Variants in ATAD2B observed in about 807,000 individuals in gnomAD.
ATAD2B encodes ATPase family AAA domain-containing protein 2B.
ATAD2B carries 40 observed loss-of-function variants against 167.6 expected under a neutral mutation model. That is an observed-to-expected ratio of 0.24 (90% CI 0.19 to 0.31). The LOEUF is 0.31. Among genes scored for constraint, ATAD2B ranks in the 10% least tolerant of loss-of-function variants. The pLI is 1.00. For synonymous variants in ATAD2B, 579 were observed against 596.5 expected (o/e 0.97, Z 0.43); for missense variants, 1,242 against 1,757.2 (o/e 0.71, Z 5.24).
At chr2:23,914,920 ACTT>A (rs996315990) in intron 1 of ATAD2B, among the ~76,000 whole-genome samples, 1 of 152,094 alleles carries the variant, frequency 6.6e-6, no homozygotes, top group African/African-American at 2.4e-5. Context: ...AGTAATACTT[ACTT>A]TAAGTACACA....
chr2:23,837,713 T>C (rs1056405747), intron 13 of ATAD2B, among the ~76,000 whole-genome samples: 2 of 152,234 alleles, frequency 1.3e-5, no homozygotes, highest in Non-Finnish European at 2.9e-5. Context: ...AGTAGTTTGT[T>C]TTTAATAGAT....
the ATAD2B span, among the ~76,000 whole-genome samples, chr2:23,717,545 C>T: frequency 6.6e-5 from 10 of 152,090 alleles, no homozygotes; most frequent in African/African-American, 2.4e-4. Flanking sequence ...AGTCAGCAGC[C>T]ATTTATTTCA....
rs1224375706 is a variant in ATAD2B, at chr2:23,862,404, T to TTTTG, written c.1479+976_1479+977insCAAA. Among the ~76,000 whole-genome samples the TTTTG allele has an allele frequency of 4.0e-4, 41 of 103,382 alleles. 1 individual carries two copies. Among genetic ancestry groups the TTTTG allele is most frequent in the African/African-American group, 1.4e-3 (40 of 28,352 alleles). The allele number at this position is 103,382 out of a possible 152,430, so 67.8% of individuals were successfully genotyped here. The stretch of plus-strand genomic sequence containing the variant: ...AAGTGAATTTATATTTGGACTGGTT[T>TTTTG]TTTTTTTTTTTTTTTTTTTTTTGAG... On this transcript the variant is annotated intron_variant, in intron 12 of 27. Transcript: ENST00000238789.
At chr2:23,742,281 A>G in the ATAD2B span, among the ~76,000 whole-genome samples, 1 of 152,166 alleles carries the variant, frequency 6.6e-6, no homozygotes, top group Non-Finnish European at 1.5e-5. Context: ...ACTATTCACA[A>G]TAGCAAAGAC....
chr2:23,775,882 C>G (rs1479144535), intron 22 of ATAD2B, among the ~76,000 whole-genome samples: 2 of 152,170 alleles, frequency 1.3e-5, no homozygotes, highest in African/African-American at 4.8e-5. Flanking sequence ...CTTTGGGAAG[C>G]CAAGGCAGGC....
intron 12 of ATAD2B, among the ~76,000 whole-genome samples, chr2:23,859,566 T>C (rs1200938738): frequency 4.7e-5 from 7 of 148,950 alleles, no homozygotes; most frequent in Admixed American, 2.7e-4. Context: ...TAATAGGAAA[T>C]GCAAATATTT....
chr2:23,917,702 G>A (rs1340048587), intron 1 of ATAD2B, among the ~76,000 whole-genome samples: 1 of 152,078 alleles, frequency 6.6e-6, no homozygotes, highest in Admixed American at 6.6e-5. Flanking sequence ...TGAGTCAGGA[G>A]GACTGCTTGA....
chr2:23,823,920 CTTT>C (rs869117334), intron 15 of ATAD2B, among the ~76,000 whole-genome samples: 1 of 144,524 alleles, frequency 6.9e-6, no homozygotes, highest in Non-Finnish European at 1.5e-5. Flanking sequence ...CAATGTACAA[CTTT>C]TTTTTTTTTT....
intron 13 of ATAD2B, among the ~76,000 whole-genome samples, chr2:23,851,905 T>C (rs1692629043): frequency 6.9e-6 from 1 of 144,586 alleles, no homozygotes. Context: ...GATAATCCTC[T>C]AGCCGGAGTA....
At chr2:23,694,094 C>T in the ATAD2B span, among the ~76,000 whole-genome samples, 1 of 152,238 alleles carries the variant, frequency 6.6e-6, no homozygotes, top group Non-Finnish European at 1.5e-5. Context: ...GTCCCTATGA[C>T]TCCCAGATCT....
At chr2:23,684,858 C>A in the ATAD2B span, among the ~76,000 whole-genome samples, 7 of 152,200 alleles carry the variant, frequency 4.6e-5, no homozygotes, top group African/African-American at 1.7e-4. The surrounding 1 kb of genome is among the most constrained non-coding windows in gnomAD (Gnocchi z 4.4). Context: ...CAAGCTGTCC[C>A]TGAGATTAGG....
At chr2:23,739,060 A>G in the ATAD2B span, among the ~76,000 whole-genome samples, 48 of 152,284 alleles carry the variant, frequency 3.2e-4, no homozygotes, top group African/African-American at 1.0e-3. Context: ...CAAGTCCTTA[A>G]TGACCTACAA....
chr2:23,925,852 A>G (rs1212210562), intron 1 of ATAD2B, among the ~76,000 whole-genome samples: 1 of 152,158 alleles, frequency 6.6e-6, no homozygotes, highest in Non-Finnish European at 1.5e-5. Flanking sequence ...TGACTATCCG[A>G]AACATTCCAC....
At chr2:23,693,549 C>G in the ATAD2B span, 3 of 1,537,326 alleles carry the variant, frequency 2.0e-6, no homozygotes, top group Non-Finnish European at 2.6e-6. Flanking sequence ...CCCTGTCCCC[C>G]GCCCCTTCTC....
the ATAD2B span, among the ~76,000 whole-genome samples, chr2:23,714,176 C>T: frequency 6.6e-6 from 1 of 151,228 alleles, no homozygotes; most frequent in African/African-American, 2.4e-5. Flanking sequence ...AGAAGTACAA[C>T]AGAAAGTAAT....
chr2:23,834,931 T>C lies in ATAD2B; in HGVS notation c.1569-853A>G, dbSNP rs147346326. Reference sequence around the variant, plus strand: ...TAAAAAATTAGGCAAAAAATTTGTATAGACATTTCTCCAAAGACGATACAC... The same window carrying C: ...TAAAAAATTAGGCAAAAAATTTGTACAGACATTTCTCCAAAGACGATACAC... On this transcript the variant is annotated intron_variant, in intron 13 of 27. Transcript: ENST00000238789. 6.5e-3 allele frequency among the ~76,000 whole-genome samples: 991 copies of C among 152,212 alleles called. 6 individuals carry two copies. The highest frequency in any genetic ancestry group is 0.031 in the Middle Eastern group (9 of 294).
intron 18 of ATAD2B, among the ~76,000 whole-genome samples, chr2:23,807,425 CT>C (rs1343951021): frequency 6.6e-6 from 1 of 152,190 alleles, no homozygotes; most frequent in African/African-American, 2.4e-5. Context: ...GATCAGAAGA[CT>C]GAAGATAACA....
intron 1 of ATAD2B, among the ~76,000 whole-genome samples, chr2:23,904,819 G>A (rs1274521978): frequency 6.6e-6 from 1 of 152,012 alleles, no homozygotes; most frequent in African/African-American, 2.4e-5. Flanking sequence ...GCTTAGAAGT[G>A]CAGTCAATTT....
At chr2:23,925,011 A>G (rs1197197244) in intron 1 of ATAD2B, among the ~76,000 whole-genome samples, 1 of 152,220 alleles carries the variant, frequency 6.6e-6, no homozygotes, top group Admixed American at 6.5e-5. Context: ...GCATTCACAT[A>G]GCATGATACG....
Sources: allele counts gnomAD v4.1 joint callset (sites outside exome capture counted in the v4.1 genomes callset), GRCh38; gene constraint gnomAD v4.1.1; non-coding constraint Gnocchi (gnomAD v3.1); transcripts MANE v1.5; gene names NCBI Gene and HGNC (gene_info 2026-07-23, HGNC 2026-07-21).